SMPDL3A: variants seen among roughly 807,000 people sequenced by gnomAD.
SMPDL3A encodes the protein cyclic GMP-AMP phosphodiesterase SMPDL3A.
In SMPDL3A, 39 loss-of-function variants were observed where a neutral mutation model predicts 38.5. That is an observed-to-expected ratio of 1.01 (90% CI 0.78 to 1.32). SMPDL3A has a LOEUF of 1.32. SMPDL3A is among the 40% of genes most tolerant of loss of function. The probability of loss-of-function intolerance (pLI) is 0.00; values close to 1 mark genes in which losing one functional copy is unlikely to be tolerated. For missense variants in SMPDL3A, 502 were observed against 536.2 expected (o/e 0.94, Z 0.63); for synonymous variants, 180 against 194.3 (o/e 0.93, Z 0.61).
Position 122,809,486 on chromosome 6 carries a change from G to C in SMPDL3A, c.*78G>C. On this transcript the variant is annotated 3_prime_UTR_variant, in exon 8 of 8. Transcript: ENST00000368440. ...TTGTGGGAATTTTACATAAATCTTT[G>C]TTAATTACTGAGTGGGCAAGTAGAC... is the stretch of plus-strand genomic sequence containing the variant. 9.2e-7 allele frequency: 1 copy of C among 1,086,228 alleles called. No individual in the cohort carries two copies. The highest frequency in any genetic ancestry group is 1.3e-6 in the Non-Finnish European group (1 of 754,648). 67.3% of individuals were successfully genotyped at this position (1,086,228 alleles called of 1,614,324 possible). A position where few individuals can be genotyped will look rare whatever the true frequency, so the allele number is the denominator to read the frequency against.
intron 6 of SMPDL3A, among the ~76,000 whole-genome samples, chr6:122,805,528 C>T (rs1183479651): frequency 6.6e-6 from 1 of 152,202 alleles, no homozygotes; most frequent in South Asian, 2.1e-4. Context: ...CTCTTACTTG[C>T]AAGTTCTTAT....
intron 7 of SMPDL3A, 45 bp from the exon 8 acceptor site, chr6:122,809,046 T>A: frequency 6.9e-7 from 1 of 1,451,270 alleles, no homozygotes; most frequent in Non-Finnish European, 9.6e-7. Context: ...CAATGCCTTA[T>A]GTGCCAAAAA....
chr6:122,803,408 A>T (rs1046871414), intron 4 of SMPDL3A, among the ~76,000 whole-genome samples: 1 of 152,184 alleles, frequency 6.6e-6, no homozygotes. Context: ...TTATCTTTTC[A>T]TGTGAATATT....
At chr6:122,800,602 C>T (rs572440078) in intron 3 of SMPDL3A, among the ~76,000 whole-genome samples, 1 of 152,266 alleles carries the variant, frequency 6.6e-6, no homozygotes, top group East Asian at 1.9e-4. Flanking sequence ...TTGCCTGTGC[C>T]TATGCCTATG....
At position 122,803,726 on chromosome 6, in the gene SMPDL3A, A is replaced by G. The variant is rs781564761; in HGVS notation, c.631A>G (p.Asn211Asp). ...PNLRIISLNT[N>D]LYYGPNIMTL... ...CCTTAGGATCATCAGTCTAAACACA[A>G]ACTTGTACTACGGCCCAAATATAAT... The change falls in exon 5 of 8, where the codon AAC becomes GAC. Residue 211 changes from asparagine to aspartate, a missense_variant. Asn to Asp is a conservative substitution (Grantham distance 23). Transcript: ENST00000368440. The G allele has an allele frequency of 1.2e-6, 2 of 1,614,086 alleles. No homozygotes were observed. The highest frequency in any genetic ancestry group is 2.2e-5 in the South Asian group (2 of 91,088).
At chr6:122,796,421 C>A (rs546738395) in intron 2 of SMPDL3A, among the ~76,000 whole-genome samples, 1 of 152,084 alleles carries the variant, frequency 6.6e-6, no homozygotes. Context: ...TTATTATTCC[C>A]ATTTTACAGA....
At chr6:122,799,537 A>C (rs568211865) in intron 3 of SMPDL3A, among the ~76,000 whole-genome samples, 2 of 152,286 alleles carry the variant, frequency 1.3e-5, no homozygotes, top group East Asian at 3.9e-4. Flanking sequence ...AAAGTAAATA[A>C]ATGGCCAAGA....
At chr6:122,790,196 G>T (rs780453170) in intron 1 of SMPDL3A, among the ~76,000 whole-genome samples, 1 of 152,170 alleles carries the variant, frequency 6.6e-6, no homozygotes, top group Admixed American at 6.5e-5. Flanking sequence ...AAAATTGTTA[G>T]CATTGCAAAT....
intron 1 of SMPDL3A, among the ~76,000 whole-genome samples, chr6:122,793,859 A>G (rs1781154904): frequency 6.6e-6 from 1 of 152,186 alleles, no homozygotes; most frequent in East Asian, 1.9e-4. Flanking sequence ...GGTAGAGTTT[A>G]AAGTTTGCAT....
intron 4 of SMPDL3A, among the ~76,000 whole-genome samples, 157 bp downstream of exon 4, chr6:122,801,563 C>T (rs545963524): frequency 4.6e-5 from 7 of 152,316 alleles, no homozygotes; most frequent in South Asian, 2.1e-4. Flanking sequence ...TGACACAGGT[C>T]GTGAACCTGT....
At chr6:122,793,454 A>G (rs984823552) in intron 1 of SMPDL3A, among the ~76,000 whole-genome samples, 4 of 152,160 alleles carry the variant, frequency 2.6e-5, no homozygotes, top group African/African-American at 9.7e-5. Context: ...ATACCCTTAC[A>G]TTCTCGAAAT....
chr6:122,789,304 C>A lies in SMPDL3A; in HGVS notation c.-43C>A. 1 of 1,402,734 alleles carries A rather than the reference C, an allele frequency of 7.1e-7. No homozygotes were observed. Among genetic ancestry groups the A allele is most frequent in the Non-Finnish European group, 9.7e-7 (1 of 1,029,392 alleles). The allele number at this position is 1,402,734 out of a possible 1,614,324, so 86.9% of individuals were successfully genotyped here. A position where few individuals can be genotyped will look rare whatever the true frequency, so the allele number is the denominator to read the frequency against. On this transcript the variant is annotated 5_prime_UTR_variant, in exon 1 of 8. The change creates a new upstream start codon in the 5' untranslated region. Coordinates refer to ENST00000368440, the MANE Select transcript of SMPDL3A (RefSeq NM_006714.5). ...CTCAGGCCTGACGGTCCGAGTGGAGCTGCGGGACAGCCCGAACCTCCAGGT... is the reference window on the plus strand; with the variant it reads ...CTCAGGCCTGACGGTCCGAGTGGAGATGCGGGACAGCCCGAACCTCCAGGT...
At chr6:122,807,672 T>C (rs939823428) in intron 7 of SMPDL3A, among the ~76,000 whole-genome samples, 1 of 151,828 alleles carries the variant, frequency 6.6e-6, no homozygotes, top group African/African-American at 2.4e-5. Context: ...AATTTGAAAA[T>C]AATTCACTTC....
At chr6:122,793,999 T>G (rs909266524) in intron 1 of SMPDL3A, among the ~76,000 whole-genome samples, 2 of 152,072 alleles carry the variant, frequency 1.3e-5, no homozygotes, top group African/African-American at 2.4e-5. Flanking sequence ...TAAAACAATT[T>G]GAACATGGTT....
rs560776858 is a variant in SMPDL3A, at chr6:122,789,368, G to C, written c.22G>C (p.Val8Leu). ...CTCCATGGCGCTGGTGCGCGCACTC[G>C]TCTGCTGCCTGCTGACTGCCTGGCA... is the stretch of plus-strand genomic sequence containing the variant. Reference protein sequence around the residue: MALVRALVCCLLTAWHCR... With the variant: MALVRALLCCLLTAWHCR... Residue 8 changes from valine to leucine, a missense_variant, in exon 1 of 8, where the codon GTC (valine) becomes CTC (leucine). Val to Leu is a conservative substitution (Grantham distance 32). Transcript: ENST00000368440. The C allele has an allele frequency of 1.2e-5, 18 of 1,547,986 alleles. No homozygotes were observed. Among genetic ancestry groups the C allele is most frequent in the South Asian group, 4.8e-5 (4 of 83,908 alleles).
chr6:122,795,031 A>G (rs762979825), intron 1 of SMPDL3A, among the ~76,000 whole-genome samples: 1 of 152,234 alleles, frequency 6.6e-6, no homozygotes, highest in Non-Finnish European at 1.5e-5. Flanking sequence ...AAGACACAAG[A>G]TGATGTCATC....
rs942849615 is a variant in SMPDL3A at position 122,803,781 on chromosome 6, A to T, written c.686A>T (p.Gln229Leu). The T allele has an allele frequency of 6.8e-6, 11 of 1,614,006 alleles. No individual in the cohort carries two copies. Among genetic ancestry groups the T allele is most frequent in the African/African-American group, 2.7e-5 (2 of 74,934 alleles). ...MTLNKTDPAN[Q>L]FEWLESTLNN... Reference sequence around the variant, plus strand: ...CTGAACAAGACTGACCCAGCCAACCAGTTTGAATGGCTAGAAAGTACATTG... The same window carrying T: ...CTGAACAAGACTGACCCAGCCAACCTGTTTGAATGGCTAGAAAGTACATTG... Residue 229 changes from glutamine to leucine, a missense_variant, in exon 5 of 8, where the codon CAG (glutamine) becomes CTG (leucine). Gln to Leu is a moderately radical substitution (Grantham distance 113). Transcript: ENST00000368440.
chr6:122,802,348 C>T (rs959383659), intron 4 of SMPDL3A, among the ~76,000 whole-genome samples: 2 of 151,948 alleles, frequency 1.3e-5, no homozygotes, highest in Admixed American at 6.6e-5. Flanking sequence ...ATTACAGGCA[C>T]CTGCCACCAC....
rs767497834 is a variant in SMPDL3A at position 122,795,909 on chromosome 6, A to G, written c.326+19A>G. 1.2e-5 allele frequency: 18 copies of G among 1,503,198 alleles called. No individual in the cohort carries two copies. The South Asian group carries it at 2.0e-4, about 17-fold the overall frequency. The allele number at this position is 1,503,198 out of a possible 1,614,324, so 93.1% of individuals were successfully genotyped here. On this transcript the variant is annotated intron_variant, in intron 2 of 7. Transcript: ENST00000368440. Reference sequence around the variant, plus strand: ...GGACAGGGTAAGTGATTATACAAGTACCATTAATTACTCAATATTTATTTA... The same window carrying G: ...GGACAGGGTAAGTGATTATACAAGTGCCATTAATTACTCAATATTTATTTA...
Sources: gnomAD v4.1 joint callset for allele counts (sites outside exome capture counted in the v4.1 genomes callset) on GRCh38, gnomAD v4.1.1 for gene constraint, MANE v1.5 for transcripts, NCBI Gene and HGNC (gene_info 2026-07-23, HGNC 2026-07-21) for gene names.